CCDC3: variants seen among roughly 807,000 people sequenced by gnomAD.
CCDC3 encodes the protein coiled-coil domain-containing protein 3.
Under a neutral mutation model 21.4 loss-of-function variants are expected in CCDC3, and 24 were observed. That is an observed-to-expected ratio of 1.12 (90% confidence interval 0.81 to 1.58). The LOEUF (loss-of-function observed/expected upper bound fraction) is 1.58. CCDC3 is among the 40% of genes most tolerant of loss of function. The pLI is 0.00. For missense variants in CCDC3, 425 were observed against 360.9 expected, an observed-to-expected ratio of 1.18 and a Z score of -1.44; for synonymous variants, 186 against 166.0, an observed-to-expected ratio of 1.12 and a Z score of -0.93.
intron 5 of CCDC3, among the ~76,000 whole-genome samples, chr10:13,041,014 GATT>G (rs1287037768): frequency 6.6e-6 from 1 of 152,062 alleles, no homozygotes; most frequent in Non-Finnish European, 1.5e-5. Flanking sequence ...AGCCTCAAAT[GATT>G]ATACCTCATG....
chr10:13,013,920 G>A (rs1836015944), intron 5 of CCDC3, among the ~76,000 whole-genome samples: 1 of 152,158 alleles, frequency 6.6e-6, no homozygotes, highest in Non-Finnish European at 1.5e-5. Flanking sequence ...GGAGGCCGAG[G>A]CAGGGGGATC....
At chr10:12,947,436 C>T (rs1163012097) in intron 2 of CCDC3, among the ~76,000 whole-genome samples, 1 of 152,204 alleles carries the variant, frequency 6.6e-6, no homozygotes, top group Non-Finnish European at 1.5e-5. Context: ...GCGTGGGTCA[C>T]CACACCTGGC....
At chr10:13,027,205 G>T (rs1340404552) in intron 5 of CCDC3, among the ~76,000 whole-genome samples, 1 of 152,164 alleles carries the variant, frequency 6.6e-6, no homozygotes, top group Non-Finnish European at 1.5e-5. Flanking sequence ...GGGTCAGTGT[G>T]TAGGTCCGTA....
At chr10:13,070,556 G>A (rs1339972997) in intron 4 of CCDC3, among the ~76,000 whole-genome samples, 1 of 152,176 alleles carries the variant, frequency 6.6e-6, no homozygotes, top group African/African-American at 2.4e-5. Flanking sequence ...GGTAGGTAAA[G>A]AATGTCACTT....
rs775746677 is a variant in CCDC3 at position 13,001,353 on chromosome 10, A to G, written c.218T>C (p.Leu73Pro). 3.1e-6 allele frequency: 5 copies of G among 1,600,932 alleles called. No homozygotes were observed. The Admixed American group carries it at 8.6e-5, about 27-fold the overall frequency. ...PWQYHAGQGG[L>P]FYSAEVEMLC... Reference sequence around the variant, plus strand: ...CATCTCGACCTCGGCCGAGTAGAAGAGGCCCCCCTGGCCGGCGTGGTACTG... The same window carrying G: ...CATCTCGACCTCGGCCGAGTAGAAGGGGCCCCCCTGGCCGGCGTGGTACTG... The change falls in exon 1 of 3, where the codon CTC becomes CCC. Residue 73 changes from leucine (L) to proline (P), a missense_variant. Coordinates refer to ENST00000378825, the MANE Select transcript of CCDC3 (RefSeq NM_031455.4).
At chr10:13,035,032 T>TC (rs1836360552) in intron 5 of CCDC3, among the ~76,000 whole-genome samples, 1 of 94,480 alleles carries the variant, frequency 1.1e-5, no homozygotes, top group Non-Finnish European at 2.3e-5. Context: ...TCTCAAAAAA[T>TC]TAAAAAAAAA....
At chr10:12,967,639 A>G (rs1198089368) in intron 2 of CCDC3, among the ~76,000 whole-genome samples, 1 of 152,188 alleles carries the variant, frequency 6.6e-6, no homozygotes, top group Non-Finnish European at 1.5e-5. Flanking sequence ...AAAAAGTGAA[A>G]AGGGATGAAG....
intron 2 of CCDC3, among the ~76,000 whole-genome samples, chr10:12,944,104 G>A (rs1010025807): frequency 1.3e-5 from 2 of 152,164 alleles, no homozygotes; most frequent in Non-Finnish European, 2.9e-5. Flanking sequence ...AGTACCACAT[G>A]ACAGATAACA....
intron 2 of CCDC3, among the ~76,000 whole-genome samples, chr10:12,947,600 T>G (rs1806636433): frequency 6.6e-6 from 1 of 152,202 alleles, no homozygotes; most frequent in South Asian, 2.1e-4. Flanking sequence ...TTCAAGTAGA[T>G]TATACACTCC....
chr10:12,988,992 G>A (rs749726986), intron 2 of CCDC3, among the ~76,000 whole-genome samples: 2 of 152,150 alleles, frequency 1.3e-5, no homozygotes, highest in African/African-American at 2.4e-5. Flanking sequence ...ATTATAAATA[G>A]CTCAAAAGCT....
chr10:13,001,522 C>T lies in CCDC3; in HGVS notation c.49G>A (p.Ala17Thr). 9.9e-6 allele frequency: 13 copies of T among 1,316,196 alleles called. No homozygotes were observed. Among genetic ancestry groups the T allele is most frequent in the Non-Finnish European group, 1.3e-5 (13 of 1,035,414 alleles). 81.5% of individuals were successfully genotyped at this position (1,316,196 alleles called of 1,614,324 possible). The change falls in exon 1 of 3, where the codon GCG becomes ACG. Residue 17 changes from alanine (A) to threonine (T), a missense_variant. Ala to Thr is a moderately conservative substitution (Grantham distance 58, BLOSUM62 0). Coordinates refer to ENST00000378825, the MANE Select transcript of CCDC3 (RefSeq NM_031455.4). ...GGCAGCTGGCAGGCGCGCGCGGGCG[C>T]TGGGGGACCCGCCAGGCAGAGCGCG... ...LAALCLAGPP[A>T]PARACQLPSE...
At chr10:12,908,726 G>A (rs1482965712) in intron 2 of CCDC3, among the ~76,000 whole-genome samples, 4 of 151,680 alleles carry the variant, frequency 2.6e-5, no homozygotes, top group African/African-American at 7.3e-5. Context: ...CCAAGTAGCT[G>A]GAACTACAAG....
intron 4 of CCDC3, chr10:13,058,410 C>T: frequency 1.2e-6 from 1 of 822,452 alleles, no homozygotes; most frequent in Admixed American, 1.7e-5. Context: ...GTCAGGCCAA[C>T]CTTCACACCG....
chr10:13,079,605 C>A (rs544223246), intron 3 of CCDC3, among the ~76,000 whole-genome samples: 1 of 151,996 alleles, frequency 6.6e-6, no homozygotes. Flanking sequence ...ATGGGGGTGG[C>A]GGTGAAGTAT....
chr10:12,986,332 T>C (rs188372579), intron 2 of CCDC3, among the ~76,000 whole-genome samples: 28 of 152,312 alleles, frequency 1.8e-4, no homozygotes, highest in African/African-American at 6.7e-4. Flanking sequence ...ATCAGTGTCA[T>C]TGCCTGGTTT....
At chr10:13,058,524 C>T in intron 4 of CCDC3, 1 of 739,104 alleles carries the variant, frequency 1.4e-6, no homozygotes, top group Non-Finnish European at 2.5e-6. Context: ...CACAAACTAT[C>T]ATCCTGTATT....
chr10:13,024,312 A>G (rs1283189324), intron 5 of CCDC3, among the ~76,000 whole-genome samples: 1 of 152,176 alleles, frequency 6.6e-6, no homozygotes, highest in East Asian at 1.9e-4. Context: ...ATTAGAGAAA[A>G]GTGCACTAAC....
At chr10:13,098,867 C>T (rs574613839) in intron 2 of CCDC3, among the ~76,000 whole-genome samples, 1 of 151,744 alleles carries the variant, frequency 6.6e-6, no homozygotes, top group East Asian at 1.9e-4. Context: ...CAGGAGAGTA[C>T]CATCATGCCC....
intron 2 of CCDC3, among the ~76,000 whole-genome samples, chr10:12,921,082 G>T (rs1052484477): frequency 6.6e-6 from 1 of 152,108 alleles, no homozygotes; most frequent in African/African-American, 2.4e-5. Context: ...TATGATATTT[G>T]CCTGGGACAT....
Sources: allele counts gnomAD v4.1 joint callset (sites outside exome capture counted in the v4.1 genomes callset), GRCh38; gene constraint gnomAD v4.1.1; transcripts MANE v1.5; gene names NCBI Gene and HGNC (gene_info 2026-07-23, HGNC 2026-07-21).